IRF2: variants seen among roughly 807,000 people sequenced by gnomAD.
IRF2 encodes interferon regulatory factor 2.
Under a neutral mutation model 40.6 loss-of-function variants are expected in IRF2, and 15 were observed. The ratio of observed to expected loss-of-function variants is 0.37; its 90% CI spans 0.25 to 0.57. The LOEUF (loss-of-function observed/expected upper bound fraction) is 0.57, where lower values mean the gene tolerates loss of function less well. Ranked by LOEUF, IRF2 falls within the 20% of genes least tolerant of loss-of-function variation. The probability of loss-of-function intolerance (pLI) is 0.77; values close to 1 mark genes in which losing one functional copy is unlikely to be tolerated. For missense variants in IRF2, 317 were observed against 455.7 expected (o/e 0.70, Z 2.77); for synonymous variants, 151 against 165.5 (o/e 0.91, Z 0.67).
chr4:184,413,339 G>GCTAC lies in IRF2; in HGVS notation c.411+4824_411+4827dup, dbSNP rs1737144350. 6.6e-6 allele frequency among the ~76,000 whole-genome samples: 1 copy of GCTAC among 152,224 alleles called. No individual in the cohort carries two copies. Among genetic ancestry groups the GCTAC allele is most frequent in the African/African-American group, 2.4e-5 (1 of 41,460 alleles). On this transcript the variant is annotated intron_variant, in intron 5 of 8. Transcript: ENST00000393593. The surrounding 1 kb of genome is among the most constrained non-coding windows in gnomAD (Gnocchi z 4.2). ...ACTGGGTTCGGAGCTCCCGTTCTGA[G>GCTAC]CTACCACATGGGAAGGGAGGATCCC...
intron 1 of IRF2, among the ~76,000 whole-genome samples, chr4:184,472,914 AAGG>A (rs1435141314): frequency 6.6e-6 from 1 of 151,858 alleles, no homozygotes. Context: ...CTTAGGGAAC[AAGG>A]AGGAGAGGGT....
At chr4:184,463,337 C>T (rs1017049919) in intron 1 of IRF2, among the ~76,000 whole-genome samples, 1 of 152,188 alleles carries the variant, frequency 6.6e-6, no homozygotes, top group Non-Finnish European at 1.5e-5. Context: ...TTATGCTGCA[C>T]CAACCAAGAT....
intron 1 of IRF2, among the ~76,000 whole-genome samples, chr4:184,473,662 G>C (rs927454189): frequency 6.7e-6 from 1 of 148,460 alleles, no homozygotes; most frequent in Non-Finnish European, 1.5e-5. Flanking sequence ...TCCCGCCCCG[G>C]CCGCTGGCAC....
intron 2 of IRF2, among the ~76,000 whole-genome samples, chr4:184,424,298 C>T (rs1737590170): frequency 6.6e-6 from 1 of 152,188 alleles, no homozygotes; most frequent in Admixed American, 6.5e-5. Context: ...TCCAAGGGAC[C>T]CATTCCATTC....
At chr4:184,467,662 G>C (rs1220775204) in intron 1 of IRF2, among the ~76,000 whole-genome samples, 1 of 152,192 alleles carries the variant, frequency 6.6e-6, no homozygotes, top group Non-Finnish European at 1.5e-5. Context: ...TGTCTACAGA[G>C]TACTTCTTTG....
intron 1 of IRF2, among the ~76,000 whole-genome samples, chr4:184,441,213 C>T (rs914800414): frequency 2.6e-5 from 4 of 152,200 alleles, no homozygotes; most frequent in African/African-American, 9.6e-5. Context: ...TTGTACTCTG[C>T]ACCCAGCAAA....
At chr4:184,419,156 G>T (rs116419661) in intron 3 of IRF2, among the ~76,000 whole-genome samples, 5 of 151,850 alleles carry the variant, frequency 3.3e-5, no homozygotes, top group South Asian at 2.1e-4. Context: ...CTACCTTTTT[G>T]GGGGGGAGAT....
At chr4:184,411,080 TG>T (rs1472076006) in intron 5 of IRF2, among the ~76,000 whole-genome samples, 82 of 150,262 alleles carry the variant, frequency 5.5e-4, no homozygotes, top group African/African-American at 2.0e-3. Flanking sequence ...TTTTTTGACA[TG>T]GGGTGTCACA....
chr4:184,407,636 C>T (rs889058326), intron 6 of IRF2, among the ~76,000 whole-genome samples: 2 of 152,190 alleles, frequency 1.3e-5, no homozygotes, highest in African/African-American at 4.8e-5. Flanking sequence ...TCTGTCCCTC[C>T]ATGAGAAAAG....
intron 5 of IRF2, among the ~76,000 whole-genome samples, chr4:184,412,389 A>G (rs1018120365): frequency 1.3e-5 from 2 of 152,158 alleles, no homozygotes; most frequent in Non-Finnish European, 2.9e-5. Flanking sequence ...CTCCGAGCCC[A>G]TGCTGTCTCA....
Position 184,448,252 on chromosome 4 carries a change from C to G in IRF2, c.-6-19182G>C, listed in dbSNP as rs542824612. On this transcript the variant is annotated intron_variant, in intron 1 of 8. Coordinates refer to ENST00000393593, the MANE Select transcript of IRF2 (RefSeq NM_002199.4). This position sits in a 1 kb window ranked among gnomAD's most constrained non-coding sequence, Gnocchi z 4.3. ...AAATACAACAAACTCTAGGAAACCC[C>G]CTTTGTGGTGCTTAAATGAAGCTGC... 6.6e-6 allele frequency among the ~76,000 whole-genome samples: 1 copy of G among 152,280 alleles called. No individual in the cohort carries two copies. Among genetic ancestry groups the G allele is most frequent in the South Asian group, 2.1e-4 (1 of 4,816 alleles).
At chr4:184,444,231 TA>T (rs1468869205) in intron 1 of IRF2, among the ~76,000 whole-genome samples, 1 of 152,132 alleles carries the variant, frequency 6.6e-6, no homozygotes, top group Non-Finnish European at 1.5e-5. Context: ...AGTATAGTGA[TA>T]AAAATGAGAC....
intron 2 of IRF2, among the ~76,000 whole-genome samples, chr4:184,423,841 A>G (rs757229789): frequency 6.6e-6 from 1 of 152,144 alleles, no homozygotes; most frequent in Non-Finnish European, 1.5e-5. Context: ...ACCAAACACA[A>G]CCTGTGGACA....
chr4:184,391,899 G>A (rs1736274774), intron 7 of IRF2, among the ~76,000 whole-genome samples: 1 of 152,156 alleles, frequency 6.6e-6, no homozygotes, highest in Non-Finnish European at 1.5e-5. Context: ...CCATCTAAGA[G>A]GATTACATGG....
At chr4:184,468,576 C>T (rs887629077) in intron 1 of IRF2, among the ~76,000 whole-genome samples, 1 of 152,138 alleles carries the variant, frequency 6.6e-6, no homozygotes, top group Non-Finnish European at 1.5e-5. Context: ...GTGGGCAGAG[C>T]CAACAGAGTG....
In IRF2 at chr4:184,468,927, A is replaced by ACAG. The variant is rs1739425251; in HGVS notation, c.-7+5449_-7+5451dup. On this transcript the variant is annotated intron_variant, in intron 1 of 8. Transcript: ENST00000393593. The stretch of plus-strand genomic sequence containing the variant: ...TGACAGAATTATCCAGCCACATTTT[A>ACAG]CAGTGAAAACTTCCAAAGGAGGAAG... Among the ~76,000 whole-genome samples, 5 of 152,320 alleles carry ACAG rather than the reference A, an allele frequency of 3.3e-5. No homozygotes were observed. The South Asian group carries it at 1.0e-3, about 32-fold the overall frequency.
At chr4:184,395,870 A>T (rs1736436175) in intron 7 of IRF2, among the ~76,000 whole-genome samples, 2 of 152,190 alleles carry the variant, frequency 1.3e-5, no homozygotes, top group African/African-American at 4.8e-5. Context: ...TGAAATGTTC[A>T]TTTCTCTCTG....
chr4:184,428,675 T>G, intron 2 of IRF2: 1 of 479,900 alleles, frequency 2.1e-6, no homozygotes, highest in East Asian at 5.9e-5. Context: ...GACGTTTACC[T>G]GTAGTTCCAG....
At chr4:184,425,259 G>C (rs535545306) in intron 2 of IRF2, among the ~76,000 whole-genome samples, 4 of 152,360 alleles carry the variant, frequency 2.6e-5, no homozygotes, top group South Asian at 4.1e-4. Context: ...GAATGGGAGG[G>C]AAGAACATTA....
Sources: allele counts gnomAD v4.1 joint callset (sites outside exome capture counted in the v4.1 genomes callset), GRCh38; gene constraint gnomAD v4.1.1; non-coding constraint Gnocchi (gnomAD v3.1); transcripts MANE v1.5; gene names NCBI Gene and HGNC (gene_info 2026-07-23, HGNC 2026-07-21).